The following SRRM4 variants were observed in gnomAD, a reference collection of about 807,000 sequenced individuals.
SRRM4 encodes the protein serine/arginine repetitive matrix protein 4.
A neutral mutation model predicts 68.9 loss-of-function variants in SRRM4; 33 were observed. That is an observed-to-expected ratio of 0.48 (90% CI 0.36 to 0.64). The LOEUF is 0.64. Among genes scored for constraint, SRRM4 ranks in the 30% least tolerant of loss-of-function variants. The pLI is 0.00. For synonymous variants in SRRM4, 318 were observed against 318.8 expected, an observed-to-expected ratio of 1.00 and a Z score of 0.03; for missense variants, 817 against 827.1, an observed-to-expected ratio of 0.99 and a Z score of 0.15.
intron 1 of SRRM4, among the ~76,000 whole-genome samples, chr12:119,022,227 C>T (rs905296875): frequency 6.6e-6 from 1 of 151,924 alleles, no homozygotes; most frequent in Non-Finnish European, 1.5e-5. Flanking sequence ...GAGGAGAATG[C>T]TTATTTTCTT....
intron 1 of SRRM4, among the ~76,000 whole-genome samples, chr12:119,100,979 A>T (rs61938017): frequency 6.6e-6 from 1 of 152,212 alleles, no homozygotes; most frequent in African/African-American, 2.4e-5. Context: ...AGATGCACTC[A>T]TAAGTGGCTG....
rs539268597 is a variant in SRRM4, at chr12:119,157,076, T to G, written c.*278T>G. On this transcript the variant is annotated 3_prime_UTR_variant, in exon 13 of 13. Coordinates refer to ENST00000267260, the MANE Select transcript of SRRM4 (RefSeq NM_194286.4). The surrounding 1 kb of genome is among the most constrained non-coding windows in gnomAD (Gnocchi z 4.1). ...AAAAAAAGAAGAAAGAAAAGAAAACTTCAAGGTTTTGTGAGAAGCAATGGG... is the reference window on the plus strand; with the variant it reads ...AAAAAAAGAAGAAAGAAAAGAAAACGTCAAGGTTTTGTGAGAAGCAATGGG... The G allele has an allele frequency of 3.0e-5, 13 of 435,990 alleles. No homozygotes were observed. In the South Asian group the frequency reaches 6.9e-4, roughly 23 times the overall value. 27.0% of individuals were successfully genotyped at this position (435,990 alleles called of 1,614,324 possible).
At chr12:119,072,522 A>G (rs929097809) in intron 1 of SRRM4, among the ~76,000 whole-genome samples, 1 of 152,140 alleles carries the variant, frequency 6.6e-6, no homozygotes, top group Non-Finnish European at 1.5e-5. Context: ...GAGTTGATTG[A>G]TGTTGCGCTT....
chr12:119,025,042 G>T (rs1161431974), intron 1 of SRRM4, among the ~76,000 whole-genome samples: 1 of 152,156 alleles, frequency 6.6e-6, no homozygotes, highest in Non-Finnish European at 1.5e-5. Context: ...TAGATGGATG[G>T]GTGCTTTGAT....
intron 1 of SRRM4, among the ~76,000 whole-genome samples, chr12:119,032,561 G>A (rs898811276): frequency 6.6e-6 from 1 of 151,966 alleles, no homozygotes; most frequent in Non-Finnish European, 1.5e-5. Flanking sequence ...AAAAACTTCT[G>A]TTTTCCATTT....
intron 1 of SRRM4, among the ~76,000 whole-genome samples, chr12:119,087,854 T>C (rs1953989097): frequency 6.6e-6 from 1 of 151,844 alleles, no homozygotes; most frequent in African/African-American, 2.4e-5. Context: ...AACACTGGGC[T>C]CCCTCACTTG....
intron 1 of SRRM4, among the ~76,000 whole-genome samples, chr12:119,019,294 T>C (rs1953499715): frequency 6.6e-6 from 1 of 152,198 alleles, no homozygotes; most frequent in African/African-American, 2.4e-5. Flanking sequence ...AATCAAATCC[T>C]AATCAAAGAC....
chr12:119,103,290 A>C lies in SRRM4; in HGVS notation c.278+908A>C, dbSNP rs182947341. Reference sequence around the variant, plus strand: ...ACTTTTATTTTAGGTTTGGGGCTACATGTGAATGTTTGTTGCGTAGGTAAA... The same window carrying C: ...ACTTTTATTTTAGGTTTGGGGCTACCTGTGAATGTTTGTTGCGTAGGTAAA... On this transcript the variant is annotated intron_variant, in intron 2 of 12. Transcript: ENST00000267260. Among the ~76,000 whole-genome samples the C allele has an allele frequency of 2.5e-4, 38 of 152,042 alleles. 1 individual carries two copies. The highest frequency in any genetic ancestry group is 2.2e-3 in the Admixed American group (34 of 15,264).
intron 1 of SRRM4, among the ~76,000 whole-genome samples, chr12:119,032,311 A>AT (rs1277827715): frequency 2.0e-5 from 3 of 152,234 alleles, no homozygotes; most frequent in African/African-American, 7.2e-5. Flanking sequence ...AAATTGTAAG[A>AT]TAAAAAAGAC....
chr12:119,124,380 A>C (rs1467045293), intron 6 of SRRM4: 1 of 152,144 alleles, frequency 6.6e-6, no homozygotes, highest in Non-Finnish European at 1.5e-5. Context: ...CAGAGTTTGA[A>C]CTTGATATGA....
At chr12:118,994,939 C>G (rs577251689) in intron 1 of SRRM4, among the ~76,000 whole-genome samples, 2 of 152,234 alleles carry the variant, frequency 1.3e-5, no homozygotes, top group South Asian at 4.2e-4. Context: ...GTTCCATTCT[C>G]TATTATGCAG....
At chr12:119,005,583 C>G (rs962412934) in intron 1 of SRRM4, among the ~76,000 whole-genome samples, 22 of 152,216 alleles carry the variant, frequency 1.4e-4, no homozygotes, top group African/African-American at 5.3e-4. Flanking sequence ...TGTTTTATAA[C>G]TGTGTCCTTC....
intron 1 of SRRM4, among the ~76,000 whole-genome samples, chr12:119,087,476 T>A (rs1410767078): frequency 6.6e-6 from 1 of 152,214 alleles, no homozygotes; most frequent in Non-Finnish European, 1.5e-5. Flanking sequence ...GACTTTTTTT[T>A]ATTGGAATGA....
rs1241600777 is a variant in SRRM4 at position 118,981,839 on chromosome 12, A to C, written c.-44A>C. The C allele has an allele frequency of 1.3e-6, 2 of 1,595,464 alleles. No individual in the cohort carries two copies. The highest frequency in any genetic ancestry group is 1.7e-6 in the Non-Finnish European group (2 of 1,170,930). On this transcript the variant is annotated 5_prime_UTR_variant, in exon 1 of 13. Coordinates refer to ENST00000267260, the MANE Select transcript of SRRM4 (RefSeq NM_194286.4). ...CCCCGTTTGGAATCCACGTTTCAGC[A>C]CTTTGGACAGCGCCCCGGACGCCCC...
At chr12:119,062,884 A>C (rs1026707798) in intron 1 of SRRM4, among the ~76,000 whole-genome samples, 5 of 152,226 alleles carry the variant, frequency 3.3e-5, no homozygotes, top group Admixed American at 6.5e-5. Flanking sequence ...TTAGTTTCTC[A>C]TATGCAAAAT....
intron 2 of SRRM4, among the ~76,000 whole-genome samples, chr12:119,104,037 G>T (rs1203645487): frequency 6.6e-6 from 1 of 152,130 alleles, no homozygotes; most frequent in African/African-American, 2.4e-5. Flanking sequence ...CTCCTAGATG[G>T]AATCTGAGTG....
intron 3 of SRRM4, among the ~76,000 whole-genome samples, chr12:119,114,864 CTG>C (rs1370011430): frequency 2.0e-5 from 3 of 151,900 alleles, no homozygotes; most frequent in East Asian, 1.9e-4. Flanking sequence ...CAGAATTTCA[CTG>C]TGTTAGCCAG....
At chr12:119,107,090 C>T (rs1025754687) in intron 2 of SRRM4, among the ~76,000 whole-genome samples, 36 of 152,118 alleles carry the variant, frequency 2.4e-4, no homozygotes, top group African/African-American at 8.0e-4. Flanking sequence ...GTCTTTGGTT[C>T]TATTTATATG....
intron 3 of SRRM4, 51 bp from the exon 4 acceptor site, chr12:119,116,886 C>A (rs549735885): frequency 7.3e-5 from 115 of 1,566,454 alleles, no homozygotes; most frequent in East Asian, 1.8e-4. Flanking sequence ...TTGAAACCAA[C>A]CTTGGCCTTT....
Sources: allele counts gnomAD v4.1 joint callset (sites outside exome capture counted in the v4.1 genomes callset), GRCh38; gene constraint gnomAD v4.1.1; non-coding constraint Gnocchi (gnomAD v3.1); transcripts MANE v1.5; gene names NCBI Gene and HGNC (gene_info 2026-07-23, HGNC 2026-07-21).